The following PDE3B variants were observed in gnomAD, a reference collection of about 807,000 sequenced individuals.
PDE3B encodes cGMP-inhibited 3',5'-cyclic phosphodiesterase 3B.
PDE3B carries 66 observed loss-of-function variants against 116.8 expected under a neutral mutation model. That is an observed-to-expected ratio of 0.56 (90% confidence interval 0.46 to 0.69). The LOEUF (loss-of-function observed/expected upper bound fraction) is 0.69, where lower values mean the gene tolerates loss of function less well. PDE3B is among the 30% of genes least tolerant of loss of function. The pLI is 0.00. For synonymous variants in PDE3B, 595 were observed against 533.6 expected, an observed-to-expected ratio of 1.12 and a Z score of -1.59; for missense variants, 1,384 against 1,368.1, an observed-to-expected ratio of 1.01 and a Z score of -0.18.
chr11:14,789,373 A>G (rs1432909367), intron 4 of PDE3B, 131 bp downstream of exon 4: 9 of 629,164 alleles, frequency 1.4e-5, no homozygotes, highest in Non-Finnish European at 2.4e-5. Flanking sequence ...CAACATGTGT[A>G]GTAATAATAT....
intron 5 of PDE3B, among the ~76,000 whole-genome samples, chr11:14,806,178 C>T (rs182499804): frequency 4.5e-4 from 68 of 152,000 alleles, no homozygotes; most frequent in African/African-American, 1.5e-3. Context: ...TGTGGCTGGG[C>T]GTGGTGGTGC....
chr11:14,865,662 G>A (rs980626430), intron 14 of PDE3B, among the ~76,000 whole-genome samples: 39 of 151,846 alleles, frequency 2.6e-4, no homozygotes, highest in African/African-American at 8.2e-4. Context: ...ATTTAATTTC[G>A]GGTAGTAAAT....
At chr11:14,894,998 G>A in the PDE3B span, among the ~76,000 whole-genome samples, 1 of 152,256 alleles carries the variant, frequency 6.6e-6, no homozygotes, top group South Asian at 2.1e-4. Flanking sequence ...GTGCAGAACA[G>A]TAATGGTTCT....
At chr11:14,880,745 G>A in the PDE3B span, 16 of 1,607,288 alleles carry the variant, frequency 1.0e-5, no homozygotes, top group Middle Eastern at 1.7e-4. Flanking sequence ...ACCCATCCTC[G>A]GCCATATCTG....
At chr11:14,744,980 C>A (rs879585883) in intron 1 of PDE3B, among the ~76,000 whole-genome samples, 20 of 151,994 alleles carry the variant, frequency 1.3e-4, no homozygotes, top group Non-Finnish European at 2.9e-4. Flanking sequence ...GTGAAAATAG[C>A]TTTTTTGTTT....
chr11:14,654,787 T>TAC (rs59557281), intron 1 of PDE3B, among the ~76,000 whole-genome samples: 17,047 of 141,914 alleles, frequency 0.12, 998 homozygotes, highest in East Asian at 0.14. Context: ...AGCAGCTGTC[T>TAC]ACACACACAC....
intron 1 of PDE3B, among the ~76,000 whole-genome samples, chr11:14,739,198 T>C (rs767489688): frequency 9.2e-5 from 14 of 152,228 alleles, no homozygotes; most frequent in Non-Finnish European, 1.6e-4. Context: ...TTGGACAGTA[T>C]GGCCCTTTTC....
At chr11:14,855,737 G>T (rs1696013967) in intron 12 of PDE3B, among the ~76,000 whole-genome samples, 1 of 152,092 alleles carries the variant, frequency 6.6e-6, no homozygotes, top group Non-Finnish European at 1.5e-5. Flanking sequence ...TGACTTAAGA[G>T]CTAGGAAATA....
intron 1 of PDE3B, chr11:14,674,293 T>G: frequency 1.9e-6 from 2 of 1,052,318 alleles, no homozygotes; most frequent in Non-Finnish European, 1.5e-6. Flanking sequence ...CCCTATCGTC[T>G]TCCCCTCTGC....
At chr11:14,757,785 T>G (rs1590119712) in intron 1 of PDE3B, among the ~76,000 whole-genome samples, 1 of 151,076 alleles carries the variant, frequency 6.6e-6, no homozygotes, top group South Asian at 2.1e-4. Flanking sequence ...TTTCTTTTGC[T>G]GTGCAGAAGC....
rs142562242 is a variant in PDE3B, at chr11:14,680,067, A to G, written c.978+35014A>G. 2.4e-3 allele frequency among the ~76,000 whole-genome samples: 358 copies of G among 152,302 alleles called. 1 individual carries two copies. Among genetic ancestry groups the G allele is most frequent in the African/African-American group, 8.1e-3 (337 of 41,568 alleles). Reference sequence around the variant, plus strand: ...ATTGCCTCTGGAGGGAAAACATGCAAAGCGGCACTGGTGCCCACGTAACGT... The same window carrying G: ...ATTGCCTCTGGAGGGAAAACATGCAGAGCGGCACTGGTGCCCACGTAACGT... On this transcript the variant is annotated intron_variant, in intron 1 of 15. Coordinates refer to ENST00000282096, the MANE Select transcript of PDE3B (RefSeq NM_000922.4).
At chr11:14,655,097 T>A (rs1853676967) in intron 1 of PDE3B, among the ~76,000 whole-genome samples, 1 of 152,178 alleles carries the variant, frequency 6.6e-6, no homozygotes, top group Non-Finnish European at 1.5e-5. Flanking sequence ...CCACTTGGAT[T>A]TTCTGACTGT....
intron 1 of PDE3B, among the ~76,000 whole-genome samples, chr11:14,665,480 C>A (rs1565080866): frequency 6.6e-6 from 1 of 152,172 alleles, no homozygotes; most frequent in African/African-American, 2.4e-5. Context: ...GTCAAATTGT[C>A]CCTGTTTGCA....
intron 5 of PDE3B, among the ~76,000 whole-genome samples, chr11:14,807,975 G>A (rs1858996409): frequency 1.3e-5 from 2 of 151,590 alleles, no homozygotes. Flanking sequence ...CACGAGAATC[G>A]CTTGAACCCG....
intron 1 of PDE3B, among the ~76,000 whole-genome samples, chr11:14,751,716 C>G (rs1488174188): frequency 6.6e-6 from 1 of 152,144 alleles, no homozygotes; most frequent in Non-Finnish European, 1.5e-5. Flanking sequence ...GTTTTGACAG[C>G]AGAAACTAGA....
chr11:14,845,235 G>A (rs1265772047), intron 12 of PDE3B, among the ~76,000 whole-genome samples: 2 of 152,046 alleles, frequency 1.3e-5, no homozygotes, highest in Admixed American at 6.6e-5. Flanking sequence ...ACAGGGTCTG[G>A]AGTGCACCTC....
intron 1 of PDE3B, among the ~76,000 whole-genome samples, chr11:14,726,647 CAT>C (rs1417816331): frequency 6.6e-6 from 1 of 152,130 alleles, no homozygotes; most frequent in Non-Finnish European, 1.5e-5. Flanking sequence ...CCAGGAGAGA[CAT>C]ATCATTGAAA....
At chr11:14,785,210 T>G (rs878915019) in intron 2 of PDE3B, among the ~76,000 whole-genome samples, 1 of 152,110 alleles carries the variant, frequency 6.6e-6, no homozygotes, top group Admixed American at 6.6e-5. Flanking sequence ...GCAATTCAGA[T>G]TATGGGAAGC....
intron 2 of PDE3B, among the ~76,000 whole-genome samples, chr11:14,777,940 G>A (rs1339884270): frequency 3.3e-5 from 5 of 152,242 alleles, no homozygotes; most frequent in East Asian, 3.9e-4. Flanking sequence ...CTGGAAAATC[G>A]GGCAACTCCC....
Sources: allele counts gnomAD v4.1 joint callset (sites outside exome capture counted in the v4.1 genomes callset), GRCh38; gene constraint gnomAD v4.1.1; transcripts MANE v1.5; gene names NCBI Gene and HGNC (gene_info 2026-07-23, HGNC 2026-07-21).